The following CYP19A1 variants were observed in gnomAD, a reference collection of about 807,000 sequenced individuals.
CYP19A1 encodes the protein aromatase.
CYP19A1 carries 32 observed loss-of-function variants against 44.4 expected under a neutral mutation model. The ratio of observed to expected loss-of-function variants is 0.72; its 90% CI spans 0.54 to 0.97. The LOEUF (loss-of-function observed/expected upper bound fraction) is 0.97, where lower values mean the gene tolerates loss of function less well. CYP19A1 is among the 50% of genes least tolerant of loss of function. The pLI, the probability that CYP19A1 is intolerant of heterozygous loss-of-function variation, is 0.00. For missense variants in CYP19A1, 598 were observed against 637.8 expected (o/e 0.94, Z 0.67); for synonymous variants, 212 against 215.6 (o/e 0.98, Z 0.14).
chr15:51,323,861 C>T (rs2036567259), intron 1 of CYP19A1: 1 of 152,200 alleles, frequency 6.6e-6, no homozygotes, highest in Admixed American at 6.5e-5. Context: ...ATTTTTCCCC[C>T]CAAGAACACT....
chr15:51,233,598 TGAAG>T (rs947282537), intron 3 of CYP19A1, among the ~76,000 whole-genome samples: 2 of 152,214 alleles, frequency 1.3e-5, no homozygotes, highest in African/African-American at 4.8e-5. Context: ...ACAGAATAAA[TGAAG>T]GAAGCCCCTG....
intron 1 of CYP19A1, among the ~76,000 whole-genome samples, chr15:51,328,835 T>C (rs1392885948): frequency 6.6e-6 from 1 of 152,186 alleles, no homozygotes; most frequent in Non-Finnish European, 1.5e-5. Flanking sequence ...AAAAATCAGC[T>C]GAAGGCCTGA....
intron 4 of CYP19A1, among the ~76,000 whole-genome samples, chr15:51,226,843 C>A (rs1320433257): frequency 6.6e-6 from 1 of 152,160 alleles, no homozygotes; most frequent in Non-Finnish European, 1.5e-5. Context: ...TCATTCATTA[C>A]TCCCTATTTT....
intron 1 of CYP19A1, among the ~76,000 whole-genome samples, chr15:51,281,000 C>T (rs898168384): frequency 2.0e-5 from 3 of 152,134 alleles, no homozygotes; most frequent in Admixed American, 6.5e-5. Context: ...CAGGCCCAGG[C>T]GCCCGTTACT....
chr15:51,245,784 G>A (rs1044141311), intron 1 of CYP19A1, among the ~76,000 whole-genome samples: 8 of 152,164 alleles, frequency 5.3e-5, no homozygotes, highest in East Asian at 1.9e-4. Context: ...TCATCTTCAC[G>A]ACAAGCCTGA....
intron 1 of CYP19A1, among the ~76,000 whole-genome samples, chr15:51,308,481 A>G (rs2036254451): frequency 6.6e-6 from 1 of 152,158 alleles, no homozygotes; most frequent in Non-Finnish European, 1.5e-5. Context: ...CCAGGGAGGT[A>G]TAGGTCTGAA....
chr15:51,226,218 T>C (rs2032564763), intron 4 of CYP19A1, among the ~76,000 whole-genome samples: 1 of 151,146 alleles, frequency 6.6e-6, no homozygotes, highest in Non-Finnish European at 1.5e-5. Context: ...CCACTGTTGA[T>C]GGCTTTGAAG....
At chr15:51,274,442 T>C (rs1479280049) in intron 1 of CYP19A1, among the ~76,000 whole-genome samples, 7 of 152,200 alleles carry the variant, frequency 4.6e-5, no homozygotes, top group Admixed American at 3.3e-4. Context: ...TTGGGAGCGT[T>C]ATTCCCTCCT....
chr15:51,219,058 G>A (rs1314896450), intron 5 of CYP19A1, among the ~76,000 whole-genome samples: 1 of 152,170 alleles, frequency 6.6e-6, no homozygotes, highest in Non-Finnish European at 1.5e-5. Context: ...GAGCCTGTTA[G>A]GTGGCTAACA....
At chr15:51,265,077 A>T (rs2034867210) in intron 1 of CYP19A1, among the ~76,000 whole-genome samples, 1 of 152,210 alleles carries the variant, frequency 6.6e-6, no homozygotes, top group Non-Finnish European at 1.5e-5. Context: ...TTCCAGTCTC[A>T]TCCCCTGCCA....
chr15:51,224,692 G>A (rs947136415), intron 4 of CYP19A1, among the ~76,000 whole-genome samples: 1 of 152,054 alleles, frequency 6.6e-6, no homozygotes, highest in East Asian at 1.9e-4. Flanking sequence ...GCTACCAGAG[G>A]GATTTTTATA....
intron 3 of CYP19A1, among the ~76,000 whole-genome samples, chr15:51,235,789 T>C (rs1175931428): frequency 6.6e-6 from 1 of 152,224 alleles, no homozygotes; most frequent in African/African-American, 2.4e-5. Context: ...AGCTATAGTC[T>C]TTGTATCTGA....
rs1272395295 is a variant in CYP19A1 at position 51,210,259 on chromosome 15, C to T, written c.*549G>A. On this transcript the variant is annotated 3_prime_UTR_variant, in exon 10 of 10. Transcript: ENST00000396402. The stretch of plus-strand genomic sequence containing the variant: ...ACAGGAATTAATTGGGCTTAATTCA[C>T]AGCAAGGGTCAAATGCTGAATTTCT... 1 of 440,722 alleles carries T rather than the reference C, an allele frequency of 2.3e-6. No individual in the cohort carries two copies. The highest frequency in any genetic ancestry group is 6.7e-5 in the East Asian group (1 of 14,850). The allele number at this position is 440,722 out of a possible 1,614,324, so 27.3% of individuals were successfully genotyped here.
At chr15:51,269,206 G>T (rs527572961) in intron 1 of CYP19A1, among the ~76,000 whole-genome samples, 1 of 152,032 alleles carries the variant, frequency 6.6e-6, no homozygotes, top group Non-Finnish European at 1.5e-5. Flanking sequence ...ATGGTATGAG[G>T]TAAGGGTTAA....
At chr15:51,300,965 C>T (rs778969751) in intron 1 of CYP19A1, among the ~76,000 whole-genome samples, 1 of 152,056 alleles carries the variant, frequency 6.6e-6, no homozygotes, top group Non-Finnish European at 1.5e-5. Context: ...AAGAGGCCAA[C>T]AGAAGTGAAT....
chr15:51,276,840 T>A (rs1485478583), intron 1 of CYP19A1, among the ~76,000 whole-genome samples: 1 of 152,158 alleles, frequency 6.6e-6, no homozygotes, highest in Non-Finnish European at 1.5e-5. Context: ...GCTATTGAGG[T>A]GCCTTTGCTT....
chr15:51,287,220 T>C (rs1380501159), intron 1 of CYP19A1, among the ~76,000 whole-genome samples: 1 of 152,182 alleles, frequency 6.6e-6, no homozygotes, highest in South Asian at 2.1e-4. Context: ...CCAGCACCCC[T>C]GGACAAGCCC....
chr15:51,333,282 T>A (rs576208616), intron 1 of CYP19A1, among the ~76,000 whole-genome samples: 1 of 152,220 alleles, frequency 6.6e-6, no homozygotes, highest in East Asian at 1.9e-4. Context: ...GGGACAAAAA[T>A]GGTGGTTCTC....
chr15:51,259,284 A>C (rs2034628754), intron 1 of CYP19A1, among the ~76,000 whole-genome samples: 1 of 152,228 alleles, frequency 6.6e-6, no homozygotes, highest in South Asian at 2.1e-4. Flanking sequence ...CGTTACACAC[A>C]GTGATCAGTT....
Sources: allele counts gnomAD v4.1 joint callset (sites outside exome capture counted in the v4.1 genomes callset), GRCh38; gene constraint gnomAD v4.1.1; transcripts MANE v1.5; gene names NCBI Gene and HGNC (gene_info 2026-07-23, HGNC 2026-07-21).